The following NCALD variants were observed in gnomAD, a reference collection of about 807,000 sequenced individuals.
NCALD encodes the protein neurocalcin-delta.
NCALD carries 10 observed loss-of-function variants against 18.6 expected under a neutral mutation model. The observed-to-expected ratio is 0.54, with a 90% CI of 0.33 to 0.91. The LOEUF (loss-of-function observed/expected upper bound fraction) is 0.91, where lower values mean the gene tolerates loss of function less well. NCALD is among the 40% of genes least tolerant of loss of function. NCALD has a pLI of 0.03. For synonymous variants in NCALD, 88 were observed against 87.4 expected, an observed-to-expected ratio of 1.01 and a Z score of -0.04; for missense variants, 184 against 247.6, an observed-to-expected ratio of 0.74 and a Z score of 1.72.
At chr8:102,032,075 T>C (rs1252824637) in intron 1 of NCALD, among the ~76,000 whole-genome samples, 1 of 152,198 alleles carries the variant, frequency 6.6e-6, no homozygotes, top group Non-Finnish European at 1.5e-5. Context: ...CCTAGGACAC[T>C]TGATGACCAT....
intron 1 of NCALD, among the ~76,000 whole-genome samples, chr8:101,736,892 C>T (rs916967953): frequency 2.6e-5 from 4 of 152,096 alleles, no homozygotes; most frequent in Non-Finnish European, 4.4e-5. Context: ...AATTGGATGC[C>T]ACTGAGAAGT....
At chr8:102,048,426 T>C (rs577680143) in intron 1 of NCALD, among the ~76,000 whole-genome samples, 156 of 152,194 alleles carry the variant, frequency 1.0e-3, no homozygotes, top group Non-Finnish European at 1.8e-3. Context: ...GAATGGCCTC[T>C]TGTGTCTACT....
At chr8:101,840,117 A>T (rs973812745) in intron 4 of NCALD, among the ~76,000 whole-genome samples, 8 of 112,378 alleles carry the variant, frequency 7.1e-5, no homozygotes, top group East Asian at 2.7e-4. Flanking sequence ...GCAACAAAAT[A>T]AAAAAAAAAA....
chr8:101,701,755 A>G (rs899018752), intron 2 of NCALD, among the ~76,000 whole-genome samples: 1 of 152,118 alleles, frequency 6.6e-6, no homozygotes, highest in African/African-American at 2.4e-5. Flanking sequence ...CTAACAGGAA[A>G]CCAGACACCC....
rs35295834 is a variant in NCALD at position 101,829,974 on chromosome 8, G to GTTTT, written c.-20+57163_-20+57166dup. On this transcript the variant is annotated intron_variant, in intron 4 of 6. Coordinates refer to the NCALD transcript ENST00000311028. ...GAAGAACATTTACCCAGTCACATGG[G>GTTTT]TTTTTTTTTTTTTTTTTTTTGCTAA... Among the ~76,000 whole-genome samples the GTTTT allele has an allele frequency of 8.4e-4, 98 of 116,126 alleles. 7 individuals are homozygous for GTTTT. Among genetic ancestry groups the GTTTT allele is most frequent in the Middle Eastern group, 0.01 (2 of 192 alleles). 76.2% of individuals were successfully genotyped at this position (116,126 alleles called of 152,430 possible).
chr8:101,699,616 A>ATT (rs1013449917), intron 2 of NCALD, among the ~76,000 whole-genome samples: 1 of 152,232 alleles, frequency 6.6e-6, no homozygotes, highest in Admixed American at 6.5e-5. Flanking sequence ...TTGCAGGGAC[A>ATT]TGGATGAAGC....
chr8:101,872,350 T>C (rs1816054687), intron 4 of NCALD: 1 of 1,528,534 alleles, frequency 6.5e-7, no homozygotes, highest in Non-Finnish European at 9.1e-7. Flanking sequence ...AGCATGTTCA[T>C]CCTCCTCATT....
At chr8:101,893,244 T>A (rs1239308044) in intron 3 of NCALD, among the ~76,000 whole-genome samples, 2 of 151,608 alleles carry the variant, frequency 1.3e-5, no homozygotes, top group Non-Finnish European at 2.9e-5. Flanking sequence ...CAACCCAGAA[T>A]TTCATATCTA....
At chr8:101,896,284 A>G (rs1294551088) in intron 3 of NCALD, among the ~76,000 whole-genome samples, 1 of 152,080 alleles carries the variant, frequency 6.6e-6, no homozygotes, top group South Asian at 2.1e-4. Context: ...CTATTTAATA[A>G]GTGGTGCTGG....
intron 2 of NCALD, among the ~76,000 whole-genome samples, chr8:101,951,910 A>G (rs901875489): frequency 6.6e-6 from 1 of 152,196 alleles, no homozygotes; most frequent in African/African-American, 2.4e-5. Context: ...TCTCCAGAGC[A>G]TGGAGTCCAA....
intron 4 of NCALD, among the ~76,000 whole-genome samples, chr8:101,837,091 T>G (rs1248145997): frequency 1.3e-5 from 2 of 152,210 alleles, no homozygotes; most frequent in African/African-American, 4.8e-5. Flanking sequence ...TTCTTCTTCC[T>G]GCTCTCAGAC....
intron 2 of NCALD, among the ~76,000 whole-genome samples, chr8:101,977,995 C>G (rs73279301): frequency 4.6e-5 from 7 of 151,894 alleles, no homozygotes; most frequent in Non-Finnish European, 7.4e-5. Flanking sequence ...TCCTTCTCTC[C>G]GCCCTCAGTG....
chr8:101,860,160 G>C (rs1010624653), intron 4 of NCALD, among the ~76,000 whole-genome samples: 1 of 152,100 alleles, frequency 6.6e-6, no homozygotes, highest in Non-Finnish European at 1.5e-5. Context: ...ATCAAGAACT[G>C]GACCATGACA....
At chr8:101,757,609 T>A (rs10094868) in intron 1 of NCALD, among the ~76,000 whole-genome samples, 102,317 of 152,018 alleles carry the variant, frequency 0.67, 35,616 homozygotes, top group East Asian at 0.77. Context: ...TTTTCATGAA[T>A]TTGTGAAATA....
chr8:101,771,325 G>A (rs1811576871), intron 1 of NCALD, among the ~76,000 whole-genome samples: 1 of 152,184 alleles, frequency 6.6e-6, no homozygotes. Context: ...CCCACAAAAT[G>A]CATCATTCCT....
At chr8:101,993,446 G>A (rs1329827648) in intron 2 of NCALD, among the ~76,000 whole-genome samples, 1 of 152,160 alleles carries the variant, frequency 6.6e-6, no homozygotes, top group East Asian at 1.9e-4. Flanking sequence ...AAGGGAAGAG[G>A]AGCTCCACTG....
At chr8:101,888,395 T>TATTTA (rs1563860459) in intron 3 of NCALD, among the ~76,000 whole-genome samples, 217 of 151,612 alleles carry the variant, frequency 1.4e-3, no homozygotes, top group African/African-American at 4.9e-3. Flanking sequence ...GGACTTTCTT[T>TATTTA]TTTATTTATT....
chr8:102,074,376 G>T (rs898191915), intron 1 of NCALD, among the ~76,000 whole-genome samples: 1 of 152,160 alleles, frequency 6.6e-6, no homozygotes, highest in Non-Finnish European at 1.5e-5. Flanking sequence ...TCTGGTATCT[G>T]TGGGTTGCTT....
intron 1 of NCALD, among the ~76,000 whole-genome samples, chr8:101,737,867 A>G (rs1242303115): frequency 6.6e-6 from 1 of 152,208 alleles, no homozygotes; most frequent in Non-Finnish European, 1.5e-5. Context: ...ATTCTATTGC[A>G]TCTATTTCGT....
Sources: allele counts gnomAD v4.1 joint callset (sites outside exome capture counted in the v4.1 genomes callset), GRCh38; gene constraint gnomAD v4.1.1; transcripts MANE v1.5; gene names NCBI Gene and HGNC (gene_info 2026-07-23, HGNC 2026-07-21).